The following SNX29 variants were observed in gnomAD, a reference collection of about 807,000 sequenced individuals.
The protein encoded by SNX29 is sorting nexin 29.
Under a neutral mutation model 102.1 loss-of-function variants are expected in SNX29, and 78 were observed. The ratio of observed to expected loss-of-function variants is 0.76; its 90% CI spans 0.64 to 0.92. The LOEUF (loss-of-function observed/expected upper bound fraction) is 0.92, where lower values mean the gene tolerates loss of function less well. SNX29 is among the 40% of genes least tolerant of loss of function. The pLI, the probability that SNX29 is intolerant of heterozygous loss-of-function variation, is 0.00. For synonymous variants in SNX29, 580 were observed against 414.5 expected, an observed-to-expected ratio of 1.40 and a Z score of -4.85; for missense variants, 1,280 against 1,061.7, an observed-to-expected ratio of 1.21 and a Z score of -2.86.
intron 3 of SNX29, among the ~76,000 whole-genome samples, chr16:12,009,097 A>G (rs1596579759): frequency 6.6e-6 from 1 of 152,266 alleles, no homozygotes; most frequent in East Asian, 1.9e-4. Flanking sequence ...TTTACCATTT[A>G]CAACTGTGAT....
At chr16:12,244,502 T>A in intron 14 of SNX29, among the ~76,000 whole-genome samples, 1 of 151,936 alleles carries the variant, frequency 6.6e-6, no homozygotes, top group African/African-American at 2.4e-5. Flanking sequence ...CCAGCTGCTC[T>A]GGAGGCTGTG....
chr16:12,517,141 A>G lies in SNX29; in HGVS notation c.2179-7561A>G, dbSNP rs188591533. ...GGAATACCACACAGAGTGACAGCAG[A>G]GCCACGGGTGGGTGGCAAGGACTCA... On this transcript the variant is annotated intron_variant, in intron 19 of 20. Transcript: ENST00000566228. 7.2e-4 allele frequency among the ~76,000 whole-genome samples: 110 copies of G among 152,334 alleles called. 1 individual carries two copies. Among genetic ancestry groups the G allele is most frequent in the African/African-American group, 2.5e-3 (106 of 41,584 alleles).
At chr16:12,410,485 C>T (rs1174338674) in intron 18 of SNX29, among the ~76,000 whole-genome samples, 2 of 152,092 alleles carry the variant, frequency 1.3e-5, no homozygotes, top group East Asian at 3.9e-4. Flanking sequence ...CTCGCTTTGT[C>T]ACTCAGGCTG....
At chr16:12,544,019 T>C (rs552878993) in intron 20 of SNX29, among the ~76,000 whole-genome samples, 5 of 152,240 alleles carry the variant, frequency 3.3e-5, no homozygotes, top group African/African-American at 9.6e-5. Flanking sequence ...CCCTGGACTC[T>C]AGACCCCGTT....
chr16:12,319,967 C>T (rs1038853376), intron 15 of SNX29, among the ~76,000 whole-genome samples: 1 of 152,128 alleles, frequency 6.6e-6, no homozygotes, highest in Admixed American at 6.5e-5. Context: ...TGTGGAAATG[C>T]GGGTTCCAGG....
chr16:12,536,455 C>T (rs376486090), intron 20 of SNX29, among the ~76,000 whole-genome samples: 2 of 152,066 alleles, frequency 1.3e-5, no homozygotes, highest in East Asian at 3.9e-4. Context: ...GGGTTTGACT[C>T]AAGGCTATGC....
chr16:12,199,697 T>A lies in SNX29; in HGVS notation c.1678+14T>A. ...AAACAGCTGAAGGTGAGGGGGAGCC[T>A]GAGCCCGGGTTGGGAGGGGCCGGGC... On this transcript the variant is annotated intron_variant, in intron 14 of 20. Coordinates refer to ENST00000566228, the MANE Select transcript of SNX29 (RefSeq NM_032167.5). 6.2e-7 allele frequency: 1 copy of A among 1,608,658 alleles called. No homozygotes were observed. Among genetic ancestry groups the A allele is most frequent in the Non-Finnish European group, 8.5e-7 (1 of 1,177,292 alleles).
At chr16:12,538,187 C>T (rs565087893) in intron 20 of SNX29, among the ~76,000 whole-genome samples, 2 of 152,236 alleles carry the variant, frequency 1.3e-5, no homozygotes, top group Non-Finnish European at 2.9e-5. Context: ...GTGATCTAGG[C>T]TCACCGCAAG....
chr16:12,529,806 T>G (rs1404270248), intron 20 of SNX29, among the ~76,000 whole-genome samples: 2 of 152,206 alleles, frequency 1.3e-5, no homozygotes, highest in Non-Finnish European at 2.9e-5. Flanking sequence ...CCCTGACCTG[T>G]GCACTGCCAG....
intron 15 of SNX29, among the ~76,000 whole-genome samples, chr16:12,283,054 C>G (rs543352704): frequency 6.6e-6 from 1 of 152,290 alleles, no homozygotes; most frequent in African/African-American, 2.4e-5. Context: ...ACACTTTACT[C>G]TGGCCCTTAA....
intron 19 of SNX29, among the ~76,000 whole-genome samples, chr16:12,511,517 T>C (rs1297823911): frequency 6.6e-6 from 1 of 152,070 alleles, no homozygotes; most frequent in South Asian, 2.1e-4. Flanking sequence ...GTGAGGAGAG[T>C]GTAACTGGGC....
chr16:12,545,302 C>T (rs1180463979), intron 20 of SNX29, among the ~76,000 whole-genome samples: 4 of 151,956 alleles, frequency 2.6e-5, no homozygotes, highest in South Asian at 2.1e-4. Flanking sequence ...CTCTTTACAT[C>T]TGGAAGACTC....
At chr16:12,163,845 G>A (rs570229139) in intron 13 of SNX29, among the ~76,000 whole-genome samples, 2 of 152,276 alleles carry the variant, frequency 1.3e-5, no homozygotes, top group Admixed American at 6.5e-5. Flanking sequence ...GTACTGTTCC[G>A]TGGTGCAGAG....
At chr16:12,137,984 C>G (rs970466489) in intron 13 of SNX29, among the ~76,000 whole-genome samples, 1 of 152,132 alleles carries the variant, frequency 6.6e-6, no homozygotes, top group Non-Finnish European at 1.5e-5. Context: ...GGGATTCTGG[C>G]TGAGAAGGAC....
At chr16:12,193,470 C>A (rs145885782) in intron 13 of SNX29, among the ~76,000 whole-genome samples, 178 of 137,304 alleles carry the variant, frequency 1.3e-3, no homozygotes, top group Non-Finnish European at 2.0e-3. Context: ...ACTCCATCTT[C>A]AAAAAAAAAA....
chr16:12,217,567 A>C (rs540401254), intron 14 of SNX29, among the ~76,000 whole-genome samples: 209 of 152,366 alleles, frequency 1.4e-3, no homozygotes, highest in Non-Finnish European at 2.6e-3. Context: ...TAGGTGAGGC[A>C]GTGACTCATC....
intron 7 of SNX29, among the ~76,000 whole-genome samples, chr16:12,051,361 G>A (rs1217047451): frequency 6.7e-6 from 1 of 149,424 alleles, no homozygotes; most frequent in Non-Finnish European, 1.5e-5. Context: ...AGAGCACTAC[G>A]CCAGCCAGAT....
At chr16:12,410,241 G>A (rs993156256) in intron 18 of SNX29, among the ~76,000 whole-genome samples, 2 of 152,066 alleles carry the variant, frequency 1.3e-5, no homozygotes, top group African/African-American at 2.4e-5. Flanking sequence ...TGATCCACCT[G>A]CCTCGACCTC....
At position 12,403,495 on chromosome 16, in the gene SNX29, G is replaced by T. The variant is rs768619037; in HGVS notation, c.2003G>T (p.Arg668Leu). Residue 668 changes from arginine (R) to leucine (L), a missense_variant, in exon 18 of 21, where the codon CGG becomes CTG. By Grantham distance (102) the Arg-to-Leu change is moderately radical (BLOSUM62 -2). Coordinates refer to ENST00000566228, the MANE Select transcript of SNX29 (RefSeq NM_032167.5). ...GTCTGGATCCCCTCAGTGTTTCTCC[G>T]GGGCAAAGCAGCAAATGCATTCCAC... is the stretch of plus-strand genomic sequence containing the variant. ...INVWIPSVFL[R>L]GKAANAFHVY... is the part of the protein sequence containing the mutation. 1 of 1,608,216 alleles carries T rather than the reference G, an allele frequency of 6.2e-7. No individual in the cohort carries two copies. The highest frequency in any genetic ancestry group is 8.5e-7 in the Non-Finnish European group (1 of 1,177,478).
Sources: allele counts gnomAD v4.1 joint callset (sites outside exome capture counted in the v4.1 genomes callset), GRCh38; gene constraint gnomAD v4.1.1; transcripts MANE v1.5; gene names NCBI Gene and HGNC (gene_info 2026-07-23, HGNC 2026-07-21).